Variants in UGT2B17 observed in about 807,000 individuals in gnomAD.
UGT2B17 encodes UDP glucuronosyltransferase family 2 member B17.
In UGT2B17, 21 loss-of-function variants were observed where a neutral mutation model predicts 48.2. The ratio of observed to expected loss-of-function variants is 0.44; its 90% CI spans 0.31 to 0.63. The LOEUF (loss-of-function observed/expected upper bound fraction) is 0.63, where lower values mean the gene tolerates loss of function less well. Ranked by LOEUF, UGT2B17 falls within the 20% of genes least tolerant of loss-of-function variation. The pLI, the probability that UGT2B17 is intolerant of heterozygous loss-of-function variation, is 0.08. For synonymous variants in UGT2B17, 146 were observed against 238.4 expected (o/e 0.61, Z 3.57); for missense variants, 402 against 696.1 (o/e 0.58, Z 4.75).
At position 68,543,586 on chromosome 4, in the gene UGT2B17, T is replaced by A. The variant is rs1730728760; in HGVS notation, c.1314-5682A>T. ...CAATGGAACAAAGCTGGATGGAGAA[T>A]GACTTTGACGAGTTCAGAGAAGAAG... On this transcript the variant is annotated intron_variant, in intron 6 of 6. Coordinates refer to ENST00000317746, the MANE Select transcript of UGT2B17 (RefSeq NM_001077.4). Among the ~76,000 whole-genome samples the A allele has an allele frequency of 4.8e-5, 6 of 125,782 alleles. 3 individuals are homozygous for A. In the South Asian group the frequency reaches 2.2e-3, roughly 47 times the overall value. The allele number at this position is 125,782 out of a possible 152,430, so 82.5% of individuals were successfully genotyped here. A position where few individuals can be genotyped will look rare whatever the true frequency, so the allele number is the denominator to read the frequency against.
rs1325027456 is a variant in UGT2B17, at chr4:68,558,727, T to G, written c.1005+1810A>C. On this transcript the variant is annotated intron_variant, in intron 4 of 6. Coordinates refer to ENST00000317746, the MANE Select transcript of UGT2B17 (RefSeq NM_001077.4). ...ACCTGAGACCAGAGACTCATTTTCT[T>G]CTAAAATGCTTTCTCCAAAAGATTT... 9.5e-5 allele frequency among the ~76,000 whole-genome samples: 12 copies of G among 126,030 alleles called. 2 individuals are homozygous for G. Among genetic ancestry groups the G allele is most frequent in the African/African-American group, 3.2e-4 (12 of 36,998 alleles). 82.7% of individuals were successfully genotyped at this position (126,030 alleles called of 152,430 possible).
In UGT2B17 at chr4:68,569,524, G is replaced by T; in HGVS notation, c.-64-976C>A. 1.6e-5 allele frequency among the ~76,000 whole-genome samples: 2 copies of T among 125,480 alleles called. 1 individual carries two copies. The highest frequency in any genetic ancestry group is 1.6e-4 in the Admixed American group (2 of 12,304). 82.3% of individuals were successfully genotyped at this position (125,480 alleles called of 152,430 possible). On this transcript the variant is annotated intron_variant, in intron 1 of 6. Transcript: ENST00000317746. ...GGCACCACAGTGATCCTTTAGGAGG[G>T]TGGCCAGCGGAGCAGGGGGTTCAAA...
intron 3 of UGT2B17, among the ~76,000 whole-genome samples, chr4:68,564,921 T>C (rs1731171009): frequency 8.0e-6 from 1 of 125,056 alleles, no homozygotes. Flanking sequence ...TTGCCCAGGC[T>C]GGTCTCAAAC....
At chr4:68,545,187 C>CA (rs1367782031) in intron 6 of UGT2B17, among the ~76,000 whole-genome samples, 1 of 126,144 alleles carries the variant, frequency 7.9e-6, no homozygotes, top group Admixed American at 8.1e-5. Context: ...AAGCACTCCT[C>CA]AGCAAATGTA....
chr4:68,558,235 CTGT>C (rs1731038583), intron 4 of UGT2B17, among the ~76,000 whole-genome samples: 1 of 123,614 alleles, frequency 8.1e-6, no homozygotes, highest in African/African-American at 2.7e-5. Flanking sequence ...AACAGTATAC[CTGT>C]TGTTAGATTC....
chr4:68,538,487 C>T (rs1183976062), intron 6 of UGT2B17, among the ~76,000 whole-genome samples: 1 of 125,044 alleles, frequency 8.0e-6, no homozygotes, highest in East Asian at 7.7e-4. Context: ...ATCATTCTGC[C>T]TCTGTCTCCC....
At chr4:68,560,089 C>T (rs1441875656) in intron 4 of UGT2B17, among the ~76,000 whole-genome samples, 1 of 127,852 alleles carries the variant, frequency 7.8e-6, no homozygotes, top group African/African-American at 2.7e-5. Flanking sequence ...GACGAAGCTG[C>T]ATGATGCATT....
chr4:68,554,713 T>C (rs1730972282), intron 4 of UGT2B17, among the ~76,000 whole-genome samples: 1 of 126,064 alleles, frequency 7.9e-6, no homozygotes, highest in Non-Finnish European at 1.7e-5. Flanking sequence ...TCTGTGTACA[T>C]TATGATGTAA....
intron 6 of UGT2B17, among the ~76,000 whole-genome samples, chr4:68,539,621 T>C (rs1264988710): frequency 8.1e-6 from 1 of 124,132 alleles, no homozygotes; most frequent in Non-Finnish European, 1.7e-5. Context: ...TTTTAAAGAA[T>C]CAGAGATTGT....
rs184163970 is a variant in UGT2B17 at position 68,557,236 on chromosome 4, G to T, written c.1005+3301C>A. ...GTCCATTGTGTCTTTGACTGAGGCTGCCCTAAAACTTTTTGTCATCCACAG... is the reference window on the plus strand; with the variant it reads ...GTCCATTGTGTCTTTGACTGAGGCTTCCCTAAAACTTTTTGTCATCCACAG... On this transcript the variant is annotated intron_variant, in intron 4 of 6. Coordinates refer to ENST00000317746, the MANE Select transcript of UGT2B17 (RefSeq NM_001077.4). Among the ~76,000 whole-genome samples the T allele has an allele frequency of 1.6e-5, 2 of 125,068 alleles. 1 individual carries two copies. The highest frequency in any genetic ancestry group is 3.4e-5 in the Non-Finnish European group (2 of 59,086). 82.0% of individuals were successfully genotyped at this position (125,068 alleles called of 152,430 possible). A position where few individuals can be genotyped will look rare whatever the true frequency, so the allele number is the denominator to read the frequency against.
At position 68,554,694 on chromosome 4, in the gene UGT2B17, A is replaced by G. The variant is rs1353650558; in HGVS notation, c.1006-2783T>C. Among the ~76,000 whole-genome samples, 2 of 124,748 alleles carry G rather than the reference A, an allele frequency of 1.6e-5. 1 individual carries two copies. The highest frequency in any genetic ancestry group is 3.4e-5 in the Non-Finnish European group (2 of 59,060). 81.8% of individuals were successfully genotyped at this position (124,748 alleles called of 152,430 possible). The stretch of plus-strand genomic sequence containing the variant: ...ATTTTATTTTCCTTCTAGCACACCA[A>G]TTTTTTTCTCTGTGTACATTATGAT... On this transcript the variant is annotated intron_variant, in intron 4 of 6. Coordinates refer to ENST00000317746, the MANE Select transcript of UGT2B17 (RefSeq NM_001077.4).
In UGT2B17 at chr4:68,568,259, C is replaced by A. The variant is rs1404243426; in HGVS notation, c.226G>T (p.Val76Phe). The A allele has an allele frequency of 1.5e-6, 2 of 1,374,830 alleles. 1 individual carries two copies. The highest frequency in any genetic ancestry group is 4.2e-5 in the Admixed American group (2 of 47,734). The allele number at this position is 1,374,830 out of a possible 1,614,324, so 85.2% of individuals were successfully genotyped here. ...ASKSSAIKLE[V>F]YPTSLTKNDL... is the part of the protein sequence containing the mutation. ...TTTTTAGTTAAAGATGTAGGATAAA[C>A]TTCTAATTTAATAGCAGATGATTTA... is the stretch of plus-strand genomic sequence containing the variant. The change falls in exon 2 of 7, where the codon GTT becomes TTT. Residue 76 changes from valine (V) to phenylalanine (F), a missense_variant. Transcript: ENST00000317746.
chr4:68,561,690 G>C (rs1731106224), intron 3 of UGT2B17, among the ~76,000 whole-genome samples: 1 of 119,978 alleles, frequency 8.3e-6, no homozygotes, highest in Admixed American at 8.8e-5. Context: ...GCTTCGAAAT[G>C]AATGAGAATT....
intron 6 of UGT2B17, among the ~76,000 whole-genome samples, chr4:68,549,412 G>A (rs1174989591): frequency 8.1e-6 from 1 of 123,178 alleles, no homozygotes; most frequent in African/African-American, 2.8e-5. Flanking sequence ...TATTTGATAA[G>A]GGATAGTATC....
At position 68,561,662 on chromosome 4, in the gene UGT2B17, C is replaced by A. The variant is rs1160784458; in HGVS notation, c.874-994G>T. On this transcript the variant is annotated intron_variant, in intron 3 of 6. Coordinates refer to ENST00000317746, the MANE Select transcript of UGT2B17 (RefSeq NM_001077.4). ...TAGCTCCCTCACACTATATGAAGCT[C>A]CTGGTAAATATGTGTTTGCTTCGAA... Among the ~76,000 whole-genome samples the A allele has an allele frequency of 1.6e-5, 2 of 122,752 alleles. 1 individual carries two copies. Among genetic ancestry groups the A allele is most frequent in the African/African-American group, 5.6e-5 (2 of 35,764 alleles). The allele number at this position is 122,752 out of a possible 152,430, so 80.5% of individuals were successfully genotyped here.
At position 68,553,763 on chromosome 4, in the gene UGT2B17, G is replaced by A. The variant is rs1730955527; in HGVS notation, c.1006-1852C>T. ...CCTAATTCTAGTTTGGAGATGTGTT[G>A]TAAAGGGTCTCCTCTATTGTTTTTA... On this transcript the variant is annotated intron_variant, in intron 4 of 6. Coordinates refer to ENST00000317746, the MANE Select transcript of UGT2B17 (RefSeq NM_001077.4). 2.4e-5 allele frequency among the ~76,000 whole-genome samples: 3 copies of A among 123,298 alleles called. 1 individual carries two copies. In the South Asian group the frequency reaches 1.2e-3, roughly 48 times the overall value. 80.9% of individuals were successfully genotyped at this position (123,298 alleles called of 152,430 possible).
At chr4:68,566,118 A>G (rs1731197366) in intron 2 of UGT2B17, among the ~76,000 whole-genome samples, 1 of 119,036 alleles carries the variant, frequency 8.4e-6, no homozygotes, top group Non-Finnish European at 1.7e-5. Context: ...TTTAATATTT[A>G]ATTTAATATT....
In UGT2B17 at chr4:68,557,254, A is replaced by C. The variant is rs759940077; in HGVS notation, c.1005+3283T>G. ...TGAGGCTGCCCTAAAACTTTTTGTC[A>C]TCCACAGACAATTGTTGTCTGACTT... On this transcript the variant is annotated intron_variant, in intron 4 of 6. Coordinates refer to ENST00000317746, the MANE Select transcript of UGT2B17 (RefSeq NM_001077.4). Among the ~76,000 whole-genome samples the C allele has an allele frequency of 1.4e-4, 18 of 125,094 alleles. 4 individuals are homozygous for C. Among genetic ancestry groups the C allele is most frequent in the Non-Finnish European group, 2.5e-4 (15 of 59,090 alleles). 82.1% of individuals were successfully genotyped at this position (125,094 alleles called of 152,430 possible).
chr4:68,564,490 T>C (rs1459560389), intron 3 of UGT2B17, among the ~76,000 whole-genome samples: 1 of 121,324 alleles, frequency 8.2e-6, no homozygotes, highest in Non-Finnish European at 1.7e-5. Flanking sequence ...GGTTTCACCA[T>C]GCTGGCCAGT....
Sources: allele counts gnomAD v4.1 joint callset (sites outside exome capture counted in the v4.1 genomes callset), GRCh38; gene constraint gnomAD v4.1.1; transcripts MANE v1.5; gene names NCBI Gene and HGNC (gene_info 2026-07-23, HGNC 2026-07-21).